Variants in PRKCE observed in about 807,000 individuals in gnomAD.
PRKCE encodes protein kinase C epsilon type.
A neutral mutation model predicts 85.4 loss-of-function variants in PRKCE; 16 were observed. That is an observed-to-expected ratio of 0.19 (90% CI 0.13 to 0.28). The LOEUF is 0.28. Ranked by LOEUF, PRKCE falls within the 10% of genes least tolerant of loss-of-function variation. The probability of loss-of-function intolerance (pLI) is 1.00; values close to 1 mark genes in which losing one functional copy is unlikely to be tolerated. For synonymous variants in PRKCE, 388 were observed against 371.5 expected (o/e 1.04, Z -0.51); for missense variants, 573 against 975.2 (o/e 0.59, Z 5.49).
At chr2:45,921,690 T>C (rs1317797285) in intron 2 of PRKCE, among the ~76,000 whole-genome samples, 1 of 152,106 alleles carries the variant, frequency 6.6e-6, no homozygotes, top group Non-Finnish European at 1.5e-5. Flanking sequence ...TGATCTACCA[T>C]GAGTTTTCCA....
intron 10 of PRKCE, among the ~76,000 whole-genome samples, chr2:46,069,449 A>G (rs1667890820): frequency 6.6e-6 from 1 of 152,250 alleles, no homozygotes; most frequent in African/African-American, 2.4e-5. Context: ...ATCAACAATA[A>G]GAACAACTAT....
At chr2:45,800,358 C>T (rs1687763416) in intron 1 of PRKCE, among the ~76,000 whole-genome samples, 2 of 152,196 alleles carry the variant, frequency 1.3e-5, no homozygotes, top group Non-Finnish European at 2.9e-5. Context: ...CATAAAGCCT[C>T]ATGCTGGGGG....
At chr2:45,665,082 T>C (rs1675850056) in intron 1 of PRKCE, among the ~76,000 whole-genome samples, 1 of 152,264 alleles carries the variant, frequency 6.6e-6, no homozygotes, top group Non-Finnish European at 1.5e-5. Context: ...TCTGAAAAGA[T>C]TACTGTACTC....
chr2:45,977,089 G>T (rs1377917894), intron 3 of PRKCE, among the ~76,000 whole-genome samples: 1 of 151,998 alleles, frequency 6.6e-6, no homozygotes, highest in African/African-American at 2.4e-5. Context: ...TAGAGGTAGG[G>T]TTTCGCCATG....
At chr2:45,770,208 C>T (rs1297326586) in intron 1 of PRKCE, among the ~76,000 whole-genome samples, 1 of 152,172 alleles carries the variant, frequency 6.6e-6, no homozygotes, top group African/African-American at 2.4e-5. Context: ...CCCCTCCTGT[C>T]CGGGGAGTTG....
Position 45,735,520 on chromosome 2 carries a change from G to A in PRKCE, c.348+83072G>A, listed in dbSNP as rs546369794. Among the ~76,000 whole-genome samples, 11 of 152,308 alleles carry A rather than the reference G, an allele frequency of 7.2e-5. No individual in the cohort carries two copies. The South Asian group carries it at 2.3e-3, about 32-fold the overall frequency. The stretch of plus-strand genomic sequence containing the variant: ...AGGCTCCATCACCTGTAAAATGGTG[G>A]TAATGGTAGCATTCACCTCATAGCA... On this transcript the variant is annotated intron_variant, in intron 1 of 14. Transcript: ENST00000306156.
intron 10 of PRKCE, among the ~76,000 whole-genome samples, chr2:46,039,572 G>C (rs1708099569): frequency 6.6e-6 from 1 of 151,814 alleles, no homozygotes; most frequent in Non-Finnish European, 1.5e-5. Flanking sequence ...GAGAGGGAAG[G>C]GAAGAGGGAG....
At chr2:45,780,468 T>G (rs553943712) in intron 1 of PRKCE, among the ~76,000 whole-genome samples, 5 of 152,306 alleles carry the variant, frequency 3.3e-5, no homozygotes, top group South Asian at 2.1e-4. Flanking sequence ...AGAATTAGAT[T>G]TGATTTCTTG....
chr2:45,750,394 G>A (rs58123808), intron 1 of PRKCE, among the ~76,000 whole-genome samples: 1,972 of 152,296 alleles, frequency 0.013, 39 homozygotes, highest in African/African-American at 0.045. Flanking sequence ...GGCCTTGTGT[G>A]TGTGTCCTGT....
intron 3 of PRKCE, among the ~76,000 whole-genome samples, chr2:45,977,370 C>T (rs1173138205): frequency 6.6e-6 from 1 of 152,016 alleles, no homozygotes; most frequent in Non-Finnish European, 1.5e-5. Flanking sequence ...AGTGCGGTGG[C>T]TGATGTCTAT....
At chr2:46,009,956 A>AT (rs1283439013) in intron 9 of PRKCE, among the ~76,000 whole-genome samples, 1 of 152,262 alleles carries the variant, frequency 6.6e-6, no homozygotes, top group Non-Finnish European at 1.5e-5. Flanking sequence ...ATGAATAACC[A>AT]TTCAACAGAT....
intron 10 of PRKCE, among the ~76,000 whole-genome samples, chr2:46,070,600 G>GCA (rs1667998745): frequency 6.6e-6 from 1 of 151,818 alleles, no homozygotes; most frequent in Non-Finnish European, 1.5e-5. Flanking sequence ...CTGAGATCAT[G>GCA]CCACTGCACT....
In PRKCE at chr2:46,001,855, A is replaced by G. The variant is rs1389759940; in HGVS notation, c.966+309A>G. Among the ~76,000 whole-genome samples the G allele has an allele frequency of 6.6e-6, 1 of 152,216 alleles. No homozygotes were observed. The highest frequency in any genetic ancestry group is 1.5e-5 in the Non-Finnish European group (1 of 68,036). ...AAGCTTAACAACTCCATACAAGGAA[A>G]TGGACTTATCTGCTTCCAGAACTGG... On this transcript the variant is annotated intron_variant, in intron 7 of 14. Coordinates refer to ENST00000306156, the MANE Select transcript of PRKCE (RefSeq NM_005400.3). The surrounding 1 kb of genome is among the most constrained non-coding windows in gnomAD (Gnocchi z 4.4).
intron 1 of PRKCE, among the ~76,000 whole-genome samples, chr2:45,806,458 C>CA (rs1688249749): frequency 6.6e-6 from 1 of 152,194 alleles, no homozygotes; most frequent in Non-Finnish European, 1.5e-5. Context: ...ACATCTTACT[C>CA]GTTTTTAAGT....
chr2:45,871,383 T>G (rs947715771), intron 2 of PRKCE, among the ~76,000 whole-genome samples: 22 of 152,194 alleles, frequency 1.4e-4, no homozygotes, highest in Admixed American at 1.3e-3. Context: ...GCTTTACCTG[T>G]TGCGGATTAT....
At chr2:46,153,906 C>G (rs1676919294) in intron 13 of PRKCE, among the ~76,000 whole-genome samples, 1 of 151,996 alleles carries the variant, frequency 6.6e-6, no homozygotes, top group South Asian at 2.1e-4. Flanking sequence ...CCTGCCTCAG[C>G]CTCCCGAGTA....
chr2:45,841,150 C>G (rs937252276), intron 1 of PRKCE, among the ~76,000 whole-genome samples: 1 of 152,152 alleles, frequency 6.6e-6, no homozygotes, highest in African/African-American at 2.4e-5. Flanking sequence ...TTAATAGGAG[C>G]TGTATTAGTC....
rs183511776 is a variant in PRKCE, at chr2:45,727,888, C to T, written c.348+75440C>T. Among the ~76,000 whole-genome samples, 522 of 152,146 alleles carry T rather than the reference C, an allele frequency of 3.4e-3. 2 individuals are homozygous for T. Among genetic ancestry groups the T allele is most frequent in the Admixed American group, 0.01 (155 of 15,288 alleles). ...CAGGCTGGTCTCAAACTCCTGACCTCGTGATCTGCCTGCCTCGGCCTCCCA... is the reference window on the plus strand; with the variant it reads ...CAGGCTGGTCTCAAACTCCTGACCTTGTGATCTGCCTGCCTCGGCCTCCCA... On this transcript the variant is annotated intron_variant, in intron 1 of 14. Transcript: ENST00000306156.
At chr2:45,733,717 G>T (rs1266781037) in intron 1 of PRKCE, among the ~76,000 whole-genome samples, 2 of 152,060 alleles carry the variant, frequency 1.3e-5, no homozygotes, top group Non-Finnish European at 2.9e-5. Flanking sequence ...TTCTTTCTAC[G>T]CAGCTAAGAG....
Sources: gnomAD v4.1 joint callset for allele counts (sites outside exome capture counted in the v4.1 genomes callset) on GRCh38, gnomAD v4.1.1 for gene constraint, Gnocchi (gnomAD v3.1) non-coding constraint, MANE v1.5 for transcripts, NCBI Gene and HGNC (gene_info 2026-07-23, HGNC 2026-07-21) for gene names.